Variants in ADGRA3 observed in about 807,000 individuals in gnomAD.
ADGRA3 encodes the protein adhesion G protein-coupled receptor A3.
Under a neutral mutation model 119.8 loss-of-function variants are expected in ADGRA3, and 56 were observed. The observed-to-expected ratio is 0.47, with a 90% CI of 0.38 to 0.58. The LOEUF (loss-of-function observed/expected upper bound fraction) is 0.58. Ranked by LOEUF, ADGRA3 falls within the 20% of genes least tolerant of loss-of-function variation. ADGRA3 has a pLI of 0.00. For synonymous variants in ADGRA3, 607 were observed against 623.8 expected (o/e 0.97, Z 0.40); for missense variants, 1,516 against 1,649.0 (o/e 0.92, Z 1.40).
intron 7 of ADGRA3, among the ~76,000 whole-genome samples, chr4:22,441,395 T>C (rs569899631): frequency 2.0e-5 from 3 of 152,216 alleles, no homozygotes; most frequent in Middle Eastern, 3.4e-3. Flanking sequence ...TATAACAGAA[T>C]CCAGAGTCAG....
chr4:22,511,895 CTTTTT>C (rs5856700), intron 1 of ADGRA3, among the ~76,000 whole-genome samples: 65 of 102,620 alleles, frequency 6.3e-4, no homozygotes, highest in South Asian at 1.4e-3. Flanking sequence ...TTCTTTCTTT[CTTTTT>C]TTTTTTTTTT....
chr4:22,419,133 A>T (rs1261169963), intron 12 of ADGRA3, among the ~76,000 whole-genome samples: 1 of 152,086 alleles, frequency 6.6e-6, no homozygotes. Context: ...ACCTACTGCT[A>T]AATAATGACT....
chr4:22,429,212 C>T (rs1439365204), intron 10 of ADGRA3, among the ~76,000 whole-genome samples: 7 of 152,102 alleles, frequency 4.6e-5, no homozygotes, highest in African/African-American at 1.7e-4. Context: ...ACTGATTCTA[C>T]CCTAAGGTGT....
intron 11 of ADGRA3, among the ~76,000 whole-genome samples, chr4:22,421,604 C>T (rs1715684210): frequency 1.3e-5 from 2 of 152,164 alleles, no homozygotes; most frequent in Admixed American, 1.3e-4. Flanking sequence ...TTTACACACT[C>T]TCCAAAGCTG....
intron 1 of ADGRA3, among the ~76,000 whole-genome samples, chr4:22,504,027 G>GA (rs1719147647): frequency 6.6e-6 from 1 of 152,088 alleles, no homozygotes; most frequent in Non-Finnish European, 1.5e-5. Context: ...TCTTCAGACA[G>GA]AATCATAAAA....
chr4:22,423,257 G>C (rs943128084), intron 11 of ADGRA3, among the ~76,000 whole-genome samples: 6 of 151,598 alleles, frequency 4.0e-5, no homozygotes, highest in African/African-American at 1.5e-4. Context: ...AACAAAGACA[G>C]TAGCCATGCT....
At chr4:22,486,528 T>C (rs1718438247) in intron 1 of ADGRA3, among the ~76,000 whole-genome samples, 1 of 152,178 alleles carries the variant, frequency 6.6e-6, no homozygotes, top group African/African-American at 2.4e-5. Flanking sequence ...TGTAAAACAG[T>C]CAGATGTCCC....
rs1716137603 is a variant in ADGRA3 at position 22,430,868 on chromosome 4, T to C, written c.1443+4443A>G. ...ATGTGCTGTGTGCAGTCTAGGGACT[T>C]GGTGTCTAGCAGCTGTATCCCAGCT... On this transcript the variant is annotated intron_variant, in intron 10 of 18. Coordinates refer to ENST00000334304, the MANE Select transcript of ADGRA3 (RefSeq NM_145290.4). Among the ~76,000 whole-genome samples, 2 of 152,092 alleles carry C rather than the reference T, an allele frequency of 1.3e-5. 1 individual carries two copies. The highest frequency in any genetic ancestry group is 1.3e-4 in the Admixed American group (2 of 15,284).
chr4:22,392,639 C>T lies in ADGRA3; in HGVS notation c.2533G>A (p.Val845Met). ...STLATVLWVG[V>M]TARNIYKQVT... The stretch of plus-strand genomic sequence containing the variant: ...TGTTTGTAGATATTTCGAGCTGTCA[C>T]TCCTACCCATAGTACTGTGGCAAGG... The change falls in exon 17 of 19, where the codon GTG becomes ATG. Residue 845 changes from valine (V) to methionine (M), a missense_variant. Coordinates refer to ENST00000334304, the MANE Select transcript of ADGRA3 (RefSeq NM_145290.4). 5 of 1,613,884 alleles carry T rather than the reference C, an allele frequency of 3.1e-6. No homozygotes were observed. Among genetic ancestry groups the T allele is most frequent in the Non-Finnish European group, 4.2e-6 (5 of 1,179,834 alleles).
rs200911868 is a variant in ADGRA3 at position 22,475,744 on chromosome 4, A to AT, written c.258-1902_258-1901insA. ...TCCGTCTCGGAAAAAAAAATAAATAAATAAAAAAAAAAGAATGACACATTG... is the reference window on the plus strand; with the variant it reads ...TCCGTCTCGGAAAAAAAAATAAATAATATAAAAAAAAAAGAATGACACATTG... On this transcript the variant is annotated intron_variant, in intron 1 of 18. Transcript: ENST00000334304. Among the ~76,000 whole-genome samples the AT allele has an allele frequency of 7.8e-3, 1,188 of 152,014 alleles. 31 individuals are homozygous for AT. Among genetic ancestry groups the AT allele is most frequent in the East Asian group, 0.07 (357 of 5,120 alleles).
intron 16 of ADGRA3, chr4:22,393,620 G>A (rs1332823119): frequency 1.3e-5 from 2 of 152,090 alleles, no homozygotes; most frequent in African/African-American, 4.8e-5. Flanking sequence ...TTCCTCACTT[G>A]GGAACCAAGA....
intron 1 of ADGRA3, among the ~76,000 whole-genome samples, chr4:22,496,019 C>T (rs1441824422): frequency 6.6e-6 from 1 of 152,052 alleles, no homozygotes; most frequent in Non-Finnish European, 1.5e-5. Context: ...ATACCAACAG[C>T]TGTTAAACAT....
At chr4:22,447,383 A>G in intron 5 of ADGRA3, 57 bp downstream of exon 5, 1 of 1,071,268 alleles carries the variant, frequency 9.3e-7, no homozygotes, top group Non-Finnish European at 1.4e-6. Flanking sequence ...AATGTTTTTA[A>G]TTTTCAAAAA....
At chr4:22,419,820 A>C (rs926473671) in intron 12 of ADGRA3, among the ~76,000 whole-genome samples, 1 of 152,156 alleles carries the variant, frequency 6.6e-6, no homozygotes, top group African/African-American at 2.4e-5. Flanking sequence ...AGCAGGTCCA[A>C]AGGAGTGTGG....
chr4:22,476,688 C>A (rs1424236575), intron 1 of ADGRA3, among the ~76,000 whole-genome samples: 1 of 149,160 alleles, frequency 6.7e-6, no homozygotes, highest in Non-Finnish European at 1.5e-5. Context: ...TTTTTTTAGA[C>A]GTAGTCTTGC....
intron 1 of ADGRA3, among the ~76,000 whole-genome samples, chr4:22,502,893 G>GAAAAAAAAAAA (rs71182944): frequency 8.3e-6 from 1 of 120,098 alleles, no homozygotes; most frequent in African/African-American, 3.2e-5. Flanking sequence ...CTACTTAAGG[G>GAAAAAAAAAAA]AAAAAAAAAA....
chr4:22,515,808 C>A lies in ADGRA3; in HGVS notation c.-24G>T, dbSNP rs1719647267. On this transcript the variant is annotated 5_prime_UTR_variant, in exon 1 of 19. Coordinates refer to ENST00000334304, the MANE Select transcript of ADGRA3 (RefSeq NM_145290.4). ...ATGCTGCGGGCCGGGGCCTGCGGGG[C>A]GAGCGGCGGCGCACTGGCCTAGCGG... 1 of 990,162 alleles carries A rather than the reference C, an allele frequency of 1.0e-6. No homozygotes were observed. The highest frequency in any genetic ancestry group is 1.2e-6 in the Non-Finnish European group (1 of 835,630). 61.3% of individuals were successfully genotyped at this position (990,162 alleles called of 1,614,324 possible).
At chr4:22,491,417 T>C (rs1718619498) in intron 1 of ADGRA3, among the ~76,000 whole-genome samples, 1 of 152,212 alleles carries the variant, frequency 6.6e-6, no homozygotes. Flanking sequence ...TTCTAATACT[T>C]GGCAAAGATA....
chr4:22,402,694 T>C lies in ADGRA3; in HGVS notation c.2338A>G (p.Ser780Gly). Residue 780 changes from serine (S) to glycine (G), a missense_variant, in exon 15 of 19, where the codon AGT (serine) becomes GGT (glycine). Coordinates refer to ENST00000334304, the MANE Select transcript of ADGRA3 (RefSeq NM_145290.4). ...LLLCLLAVIV[S>G]YIYHHSLIRI... is the part of the protein sequence containing the mutation. Reference sequence around the variant, plus strand: ...TCTTACCTGTGATGGTATATGTAACTGACAATGACGGCTAAGAGACATAAG... The same window carrying C: ...TCTTACCTGTGATGGTATATGTAACCGACAATGACGGCTAAGAGACATAAG... 1 of 1,613,736 alleles carries C rather than the reference T, an allele frequency of 6.2e-7. No individual in the cohort carries two copies. The highest frequency in any genetic ancestry group is 2.2e-5 in the East Asian group (1 of 44,862).
Sources: allele counts gnomAD v4.1 joint callset (sites outside exome capture counted in the v4.1 genomes callset), GRCh38; gene constraint gnomAD v4.1.1; transcripts MANE v1.5; gene names NCBI Gene and HGNC (gene_info 2026-07-23, HGNC 2026-07-21).